The following REEP3 variants were observed in gnomAD, a reference collection of about 807,000 sequenced individuals.
REEP3 encodes receptor accessory protein 3, also known as receptor expression-enhancing protein 3.
In REEP3, 20 loss-of-function variants were observed where a neutral mutation model predicts 41.3. The observed-to-expected ratio is 0.48, with a 90% confidence interval of 0.34 to 0.70. The LOEUF is 0.70. Ranked by LOEUF, REEP3 falls within the 30% of genes least tolerant of loss-of-function variation. The pLI is 0.01. For missense variants in REEP3, 271 were observed against 308.8 expected (o/e 0.88, Z 0.92); for synonymous variants, 104 against 101.8 (o/e 1.02, Z -0.13).
intron 2 of REEP3, among the ~76,000 whole-genome samples, chr10:63,567,847 T>G (rs1346262676): frequency 6.6e-6 from 1 of 152,162 alleles, no homozygotes; most frequent in Non-Finnish European, 1.5e-5. Flanking sequence ...TATAACTAAC[T>G]CATTTTATTA....
chr10:63,615,413 C>T (rs1448044177), intron 6 of REEP3, among the ~76,000 whole-genome samples: 1 of 151,960 alleles, frequency 6.6e-6, no homozygotes, highest in Non-Finnish European at 1.5e-5. Context: ...CTCTGCTTCC[C>T]AAAGTGCTAA....
intron 2 of REEP3, among the ~76,000 whole-genome samples, chr10:63,591,575 T>C (rs1033945596): frequency 2.0e-5 from 3 of 152,258 alleles, no homozygotes; most frequent in African/African-American, 7.2e-5. Context: ...TAACTAAAAG[T>C]TGAAGCCTTT....
rs201508450 is a variant in REEP3 at position 63,538,737 on chromosome 10, AAAAT to A, written c.32+17176_32+17179del. Among the ~76,000 whole-genome samples the A allele has an allele frequency of 7.1e-3, 1,081 of 152,302 alleles. 49 individuals are homozygous for A. The highest frequency in any genetic ancestry group is 0.062 in the Admixed American group (952 of 15,290). ...CGACAGAGCGAGACTCCATCTCAAA[AAAAT>A]AAATAAATAAATAAAGATGAGGAAA... is the stretch of plus-strand genomic sequence containing the variant. On this transcript the variant is annotated intron_variant, in intron 1 of 7. Transcript: ENST00000373758.
intron 5 of REEP3, among the ~76,000 whole-genome samples, chr10:63,605,303 A>C (rs1956213908): frequency 6.6e-6 from 1 of 152,206 alleles, no homozygotes; most frequent in Non-Finnish European, 1.5e-5. Context: ...ACCTAATGCA[A>C]ATGCAGTCAA....
At chr10:63,553,096 A>C (rs1473249409) in intron 1 of REEP3, among the ~76,000 whole-genome samples, 1 of 152,252 alleles carries the variant, frequency 6.6e-6, no homozygotes, top group Non-Finnish European at 1.5e-5. Context: ...CTTACTTTAC[A>C]AAATAAGAAG....
At chr10:63,549,870 G>A (rs1955612021) in intron 1 of REEP3, among the ~76,000 whole-genome samples, 1 of 152,112 alleles carries the variant, frequency 6.6e-6, no homozygotes, top group Admixed American at 6.6e-5. Flanking sequence ...CAGGATTGAA[G>A]TTGAAATACA....
At chr10:63,570,941 C>A (rs1292061987) in intron 2 of REEP3, among the ~76,000 whole-genome samples, 1 of 152,082 alleles carries the variant, frequency 6.6e-6, no homozygotes, top group African/African-American at 2.4e-5. Flanking sequence ...ATGGTAAAAC[C>A]CCATCTCTAC....
In REEP3 at chr10:63,603,015, G is replaced by A. The variant is rs547211330; in HGVS notation, c.417+3732G>A. Reference sequence around the variant, plus strand: ...TGAAAATTTTATTTCACCTCTGGTTGATAAGACCCCACCCATGGCTGGGCG... The same window carrying A: ...TGAAAATTTTATTTCACCTCTGGTTAATAAGACCCCACCCATGGCTGGGCG... On this transcript the variant is annotated intron_variant, in intron 5 of 7. Coordinates refer to ENST00000373758, the MANE Select transcript of REEP3 (RefSeq NM_001001330.3). Among the ~76,000 whole-genome samples, 3 of 152,134 alleles carry A rather than the reference G, an allele frequency of 2.0e-5. No homozygotes were observed. In the East Asian group the frequency reaches 5.8e-4, roughly 29 times the overall value.
chr10:63,563,195 G>T (rs564608636), intron 1 of REEP3, among the ~76,000 whole-genome samples: 15 of 152,288 alleles, frequency 9.8e-5, no homozygotes, highest in African/African-American at 3.4e-4. Flanking sequence ...TTTTGTCAGG[G>T]TAGCCCTAGC....
intron 2 of REEP3, among the ~76,000 whole-genome samples, chr10:63,590,513 A>G (rs975707506): frequency 3.4e-5 from 4 of 117,128 alleles, no homozygotes; most frequent in African/African-American, 1.1e-4. Flanking sequence ...CTCTGGGATC[A>G]AGGAAATTTT....
chr10:63,583,966 A>C (rs1053725602), intron 2 of REEP3, among the ~76,000 whole-genome samples: 2 of 152,176 alleles, frequency 1.3e-5, no homozygotes, highest in Non-Finnish European at 2.9e-5. Flanking sequence ...CACTTCTTTT[A>C]AATTAATTAT....
At chr10:63,532,708 G>A (rs1016815938) in intron 1 of REEP3, among the ~76,000 whole-genome samples, 4 of 151,290 alleles carry the variant, frequency 2.6e-5, no homozygotes, top group Non-Finnish European at 5.9e-5. Context: ...CACCAGCCTG[G>A]GCAACATGGT....
intron 1 of REEP3, among the ~76,000 whole-genome samples, chr10:63,531,447 A>G (rs758131902): frequency 1.3e-5 from 2 of 152,264 alleles, no homozygotes; most frequent in Non-Finnish European, 2.9e-5. Flanking sequence ...CCTAGTGGGC[A>G]AAACTGCCAC....
At chr10:63,592,769 T>A (rs955591612) in intron 2 of REEP3, among the ~76,000 whole-genome samples, 3 of 152,202 alleles carry the variant, frequency 2.0e-5, no homozygotes, top group African/African-American at 7.2e-5. Flanking sequence ...GGCGTGCGCC[T>A]GTAATCCCAG....
At chr10:63,581,807 T>C (rs1477432472) in intron 2 of REEP3, among the ~76,000 whole-genome samples, 1 of 151,838 alleles carries the variant, frequency 6.6e-6, no homozygotes, top group African/African-American at 2.4e-5. Context: ...AAAATTCTTT[T>C]ATCTGCTCAA....
intron 1 of REEP3, among the ~76,000 whole-genome samples, chr10:63,565,986 G>A (rs1007764753): frequency 1.3e-5 from 2 of 149,876 alleles, no homozygotes; most frequent in Non-Finnish European, 3.0e-5. Flanking sequence ...CTGGGTTCAC[G>A]CCATTCTCCT....
At chr10:63,539,754 A>G in intron 1 of REEP3, among the ~76,000 whole-genome samples, 1 of 152,340 alleles carries the variant, frequency 6.6e-6, no homozygotes, top group South Asian at 2.1e-4. Context: ...TACCATATTT[A>G]AAAGCTTTAA....
chr10:63,571,079 C>A (rs924160081), intron 2 of REEP3, among the ~76,000 whole-genome samples: 2 of 152,162 alleles, frequency 1.3e-5, no homozygotes, highest in African/African-American at 4.8e-5. Context: ...TGCACCACTG[C>A]ACTCCAGCCT....
At chr10:63,550,303 A>G (rs189245576) in intron 1 of REEP3, among the ~76,000 whole-genome samples, 5 of 152,296 alleles carry the variant, frequency 3.3e-5, no homozygotes, top group East Asian at 3.9e-4. Context: ...ATGGTACTAG[A>G]TTGTTTGGGA....
Sources: gnomAD v4.1 joint callset for allele counts (sites outside exome capture counted in the v4.1 genomes callset) on GRCh38, gnomAD v4.1.1 for gene constraint, MANE v1.5 for transcripts, NCBI Gene and HGNC (gene_info 2026-07-23, HGNC 2026-07-21) for gene names.